The following CPS1 variants were observed in gnomAD, a reference collection of about 807,000 sequenced individuals.
CPS1 encodes the protein carbamoyl-phosphate synthase [ammonia], mitochondrial.
In CPS1, 109 loss-of-function variants were observed where a neutral mutation model predicts 174.6. The ratio of observed to expected loss-of-function variants is 0.62; its 90% CI spans 0.53 to 0.73. The LOEUF (loss-of-function observed/expected upper bound fraction) is 0.73. Among genes scored for constraint, CPS1 ranks in the 30% least tolerant of loss-of-function variants. The pLI is 0.00. For missense variants in CPS1, 1,689 were observed against 1,821.9 expected (o/e 0.93, Z 1.33); for synonymous variants, 637 against 632.0 (o/e 1.01, Z -0.12).
intron 1 of CPS1, among the ~76,000 whole-genome samples, chr2:210,561,256 T>G (rs2106046735): frequency 6.6e-6 from 1 of 152,232 alleles, no homozygotes; most frequent in East Asian, 1.9e-4. Context: ...TCACTGTTAG[T>G]GTCATGGTGT....
At chr2:210,551,505 A>G (rs959602216) in intron 1 of CPS1, among the ~76,000 whole-genome samples, 6 of 151,982 alleles carry the variant, frequency 3.9e-5, no homozygotes, top group Non-Finnish European at 8.8e-5. Context: ...TTATAAATAC[A>G]TGCTCCTTGT....
At chr2:210,636,623 A>G (rs1334600659) in intron 21 of CPS1, among the ~76,000 whole-genome samples, 1 of 152,090 alleles carries the variant, frequency 6.6e-6, no homozygotes, top group East Asian at 1.9e-4. Flanking sequence ...GGAGACATTA[A>G]AAGTATCAGG....
intron 21 of CPS1, among the ~76,000 whole-genome samples, chr2:210,627,861 TCTC>T (rs1267194949): frequency 6.6e-6 from 1 of 152,140 alleles, no homozygotes; most frequent in Non-Finnish European, 1.5e-5. Context: ...TCTTCCTCTT[TCTC>T]CTCCCTGTTG....
rs559459759 is a variant in CPS1, at chr2:210,546,788, G to A, written c.4-9931G>A. On this transcript the variant is annotated intron_variant, in intron 1 of 38. Transcript: ENST00000430249. ...TTGGCTGTGTGTTAAGCCACAGTAAGGTTCAGTTACGTATTTTATTGTTTT... is the reference window on the plus strand; with the variant it reads ...TTGGCTGTGTGTTAAGCCACAGTAAAGTTCAGTTACGTATTTTATTGTTTT... Among the ~76,000 whole-genome samples the A allele has an allele frequency of 5.7e-4, 86 of 152,062 alleles. 1 individual carries two copies. The highest frequency in any genetic ancestry group is 9.3e-4 in the Non-Finnish European group (63 of 67,988).
rs556530473 is a variant in CPS1 at position 210,504,056 on chromosome 2, T to G, written c.3+26290T>G. Among the ~76,000 whole-genome samples the G allele has an allele frequency of 5.3e-5, 8 of 152,274 alleles. No homozygotes were observed. The East Asian group carries it at 1.4e-3, about 26-fold the overall frequency. On this transcript the variant is annotated intron_variant, in intron 1 of 38. Transcript: ENST00000430249. Reference sequence around the variant, plus strand: ...TTTCAAAGAGATTGCATTCCTTCCCTGGCTTTGTCCCAGCCCAGCTGCTTG... The same window carrying G: ...TTTCAAAGAGATTGCATTCCTTCCCGGGCTTTGTCCCAGCCCAGCTGCTTG...
At chr2:210,603,369 C>A (rs776866872) in intron 16 of CPS1, among the ~76,000 whole-genome samples, 1 of 151,898 alleles carries the variant, frequency 6.6e-6, no homozygotes, top group African/African-American at 2.4e-5. Flanking sequence ...ACTACAATGG[C>A]AGACTTACAT....
intron 29 of CPS1, 125 bp downstream of exon 29, chr2:210,654,227 A>G: frequency 1.2e-6 from 1 of 809,662 alleles, no homozygotes; most frequent in Non-Finnish European, 2.1e-6. Flanking sequence ...AATAGTGGAG[A>G]AGCTGTAAAA....
intron 34 of CPS1, among the ~76,000 whole-genome samples, chr2:210,669,283 C>A (rs1701212159): frequency 6.6e-6 from 1 of 152,042 alleles, no homozygotes; most frequent in Non-Finnish European, 1.5e-5. Flanking sequence ...TACAAACTGT[C>A]CTGTTTATAA....
At chr2:210,578,767 A>T (rs1697798428) in intron 4 of CPS1, among the ~76,000 whole-genome samples, 1 of 152,112 alleles carries the variant, frequency 6.6e-6, no homozygotes, top group Non-Finnish European at 1.5e-5. Flanking sequence ...TATCTTCCTT[A>T]TCCAGGCAGC....
intron 1 of CPS1, among the ~76,000 whole-genome samples, chr2:210,539,835 C>T (rs1018972650): frequency 2.0e-5 from 3 of 152,148 alleles, no homozygotes; most frequent in Non-Finnish European, 4.4e-5. Flanking sequence ...CCTGTACTCT[C>T]AGAACCTCTG....
chr2:210,628,053 G>T (rs1559114736), intron 21 of CPS1, among the ~76,000 whole-genome samples: 1 of 152,126 alleles, frequency 6.6e-6, no homozygotes, highest in Non-Finnish European at 1.5e-5. Flanking sequence ...GCCTATCTAA[G>T]GTTGAAGTAG....
intron 1 of CPS1, among the ~76,000 whole-genome samples, chr2:210,559,474 C>T (rs1425498023): frequency 2.0e-5 from 3 of 151,986 alleles, no homozygotes; most frequent in African/African-American, 4.8e-5. Flanking sequence ...CTTTGCCAAT[C>T]GGCACAGTTG....
chr2:210,531,468 T>C (rs945043644), intron 1 of CPS1, among the ~76,000 whole-genome samples: 15 of 152,144 alleles, frequency 9.9e-5, no homozygotes, highest in African/African-American at 3.4e-4. Flanking sequence ...TTGGGAACAT[T>C]TTAATGAGGC....
At chr2:210,577,178 G>T in intron 3 of CPS1, 1 of 543,990 alleles carries the variant, frequency 1.8e-6, no homozygotes, top group East Asian at 3.2e-5. Flanking sequence ...TCAGAAGGGG[G>T]ACCTAGTTTA....
intron 6 of CPS1, among the ~76,000 whole-genome samples, chr2:210,585,755 T>C (rs1324951186): frequency 2.6e-5 from 4 of 151,980 alleles, no homozygotes; most frequent in Non-Finnish European, 5.9e-5. Context: ...TTTCACTCCT[T>C]ATACCTTTTA....
intron 5 of CPS1, among the ~76,000 whole-genome samples, chr2:210,580,825 C>A (rs997040234): frequency 9.4e-5 from 14 of 148,294 alleles, no homozygotes; most frequent in African/African-American, 3.3e-4. Flanking sequence ...CATGCCACTG[C>A]ACTCCAACCT....
chr2:210,526,299 T>G (rs1695971080), intron 1 of CPS1, among the ~76,000 whole-genome samples: 1 of 151,430 alleles, frequency 6.6e-6, no homozygotes, highest in Admixed American at 6.6e-5. Context: ...GGTTGATGGG[T>G]GCAGCAAACC....
intron 5 of CPS1, among the ~76,000 whole-genome samples, chr2:210,581,260 G>A (rs1222163471): frequency 2.0e-5 from 3 of 152,224 alleles, no homozygotes; most frequent in Admixed American, 6.5e-5. Flanking sequence ...ATAAAATATA[G>A]TCAGGCCTAA....
At chr2:210,604,186 C>T (rs191841309) in intron 16 of CPS1, among the ~76,000 whole-genome samples, 133 of 151,848 alleles carry the variant, frequency 8.8e-4, no homozygotes, top group African/African-American at 2.7e-3. Context: ...TTCATTTGCA[C>T]GTGCTGGAGC....
Sources: allele counts gnomAD v4.1 joint callset (sites outside exome capture counted in the v4.1 genomes callset), GRCh38; gene constraint gnomAD v4.1.1; transcripts MANE v1.5; gene names NCBI Gene and HGNC (gene_info 2026-07-23, HGNC 2026-07-21).